GALNT17: variants seen among roughly 807,000 people sequenced by gnomAD.
The protein encoded by GALNT17 is polypeptide N-acetylgalactosaminyltransferase 17.
In GALNT17, 29 loss-of-function variants were observed where a neutral mutation model predicts 63.7. The observed-to-expected ratio is 0.46, with a 90% confidence interval of 0.34 to 0.62. The LOEUF (loss-of-function observed/expected upper bound fraction) is 0.62, where lower values mean the gene tolerates loss of function less well. GALNT17 is among the 20% of genes least tolerant of loss of function. The pLI is 0.01. For missense variants in GALNT17, 603 were observed against 799.6 expected, an observed-to-expected ratio of 0.75 and a Z score of 2.97; for synonymous variants, 305 against 318.3, an observed-to-expected ratio of 0.96 and a Z score of 0.45.
intron 1 of GALNT17, among the ~76,000 whole-genome samples, chr7:71,155,523 C>G (rs1253153370): frequency 6.6e-6 from 1 of 151,816 alleles, no homozygotes; most frequent in African/African-American, 2.4e-5. Flanking sequence ...GTTAGCCCGC[C>G]TCAGCCTCCC....
intron 2 of GALNT17, among the ~76,000 whole-genome samples, chr7:71,369,766 C>T (rs898068757): frequency 5.0e-5 from 7 of 140,726 alleles, no homozygotes; most frequent in Admixed American, 7.7e-5. Context: ...GAGCTGAGAT[C>T]GCACCATTGC....
At chr7:71,151,493 T>C (rs1012311875) in intron 1 of GALNT17, among the ~76,000 whole-genome samples, 2 of 151,958 alleles carry the variant, frequency 1.3e-5, no homozygotes, top group Non-Finnish European at 2.9e-5. Flanking sequence ...TGGTGGCAGG[T>C]GCCTGTAGTC....
intron 3 of GALNT17, among the ~76,000 whole-genome samples, chr7:71,404,270 A>G (rs1793289397): frequency 6.6e-6 from 1 of 152,164 alleles, no homozygotes; most frequent in African/African-American, 2.4e-5. Flanking sequence ...TGAATGCACA[A>G]CTCAGTGTGA....
intron 6 of GALNT17, among the ~76,000 whole-genome samples, chr7:71,639,871 AG>A (rs1790579645): frequency 6.6e-6 from 1 of 152,286 alleles, no homozygotes; most frequent in East Asian, 1.9e-4. Flanking sequence ...GACAAGGCAA[AG>A]GAGAGGATGG....
chr7:71,523,212 G>A (rs1461157302), intron 5 of GALNT17, among the ~76,000 whole-genome samples: 1 of 152,140 alleles, frequency 6.6e-6, no homozygotes, highest in African/African-American at 2.4e-5. Flanking sequence ...AATAGTTGAG[G>A]CCAAGAATTT....
chr7:71,645,242 G>A (rs536664156), intron 6 of GALNT17, among the ~76,000 whole-genome samples: 1 of 152,180 alleles, frequency 6.6e-6, no homozygotes, highest in Non-Finnish European at 1.5e-5. Context: ...TCCACAGATG[G>A]TGATATGGTT....
chr7:71,494,690 G>A (rs1456318453), intron 5 of GALNT17, among the ~76,000 whole-genome samples: 2 of 152,072 alleles, frequency 1.3e-5, no homozygotes, highest in African/African-American at 4.8e-5. Context: ...GAGAGAAGCT[G>A]TATTAGTCTG....
chr7:71,207,993 G>A (rs1252142241), intron 1 of GALNT17, among the ~76,000 whole-genome samples: 1 of 150,610 alleles, frequency 6.6e-6, no homozygotes, highest in Non-Finnish European at 1.5e-5. Flanking sequence ...GGAGTGCAGT[G>A]GCACGATCAT....
At chr7:71,341,219 A>C (rs1429043368) in intron 2 of GALNT17, among the ~76,000 whole-genome samples, 2 of 152,228 alleles carry the variant, frequency 1.3e-5, no homozygotes, top group Admixed American at 6.5e-5. Context: ...TAAGTAATTT[A>C]ATAAAGAGTT....
chr7:71,680,995 G>A (rs983737386), intron 9 of GALNT17, among the ~76,000 whole-genome samples: 7 of 151,926 alleles, frequency 4.6e-5, no homozygotes, highest in African/African-American at 1.5e-4. Flanking sequence ...AGCCTCCTGG[G>A]CTTAAGTGCT....
intron 2 of GALNT17, among the ~76,000 whole-genome samples, chr7:71,361,115 C>T (rs1432976103): frequency 6.6e-6 from 1 of 152,028 alleles, no homozygotes; most frequent in Non-Finnish European, 1.5e-5. Context: ...ATATGAGTTA[C>T]CCAAAGTTCC....
chr7:71,294,522 C>T (rs565558689), intron 1 of GALNT17, among the ~76,000 whole-genome samples: 2 of 143,420 alleles, frequency 1.4e-5, no homozygotes, highest in African/African-American at 5.2e-5. Context: ...TCAAGCAATT[C>T]TCATGCCTCA....
chr7:71,321,545 TTCTAGA>T (rs1372766186), intron 1 of GALNT17, among the ~76,000 whole-genome samples: 2 of 152,206 alleles, frequency 1.3e-5, no homozygotes, highest in Non-Finnish European at 2.9e-5. Flanking sequence ...AGAGACCCTG[TTCTAGA>T]TCTAACACTT....
At position 71,275,918 on chromosome 7, in the gene GALNT17, C is replaced by G. The variant is rs145611455; in HGVS notation, c.239-59632C>G. Among the ~76,000 whole-genome samples, 142 of 152,286 alleles carry G rather than the reference C, an allele frequency of 9.3e-4. 1 individual carries two copies. Among genetic ancestry groups the G allele is most frequent in the Middle Eastern group, 3.4e-3 (1 of 294 alleles). Reference sequence around the variant, plus strand: ...TGAATAGAAGTAGAAATGAACTATGCGATGGGCTCCTCTGCACAATCCACA... The same window carrying G: ...TGAATAGAAGTAGAAATGAACTATGGGATGGGCTCCTCTGCACAATCCACA... On this transcript the variant is annotated intron_variant, in intron 1 of 10. Transcript: ENST00000333538.
chr7:71,378,821 A>C (rs953698783), intron 2 of GALNT17, among the ~76,000 whole-genome samples: 15 of 148,290 alleles, frequency 1.0e-4, no homozygotes, highest in Admixed American at 2.0e-4. Flanking sequence ...CCATCTCTAC[A>C]AAAAAAAAAT....
At chr7:71,486,394 A>C (rs1243261996) in intron 5 of GALNT17, among the ~76,000 whole-genome samples, 1 of 147,672 alleles carries the variant, frequency 6.8e-6, no homozygotes. Flanking sequence ...ATAATAGTAA[A>C]TAATATATTT....
In GALNT17 at chr7:71,497,062, A is replaced by ATC. The variant is rs571946891; in HGVS notation, c.963-74213_963-74212dup. Among the ~76,000 whole-genome samples, 24 of 152,216 alleles carry ATC rather than the reference A, an allele frequency of 1.6e-4. No homozygotes were observed. The East Asian group carries it at 4.3e-3, about 27-fold the overall frequency. On this transcript the variant is annotated intron_variant, in intron 5 of 10. Transcript: ENST00000333538. ...CACTGGTGACACAGTGAGACCCTGA[A>ATC]TCTCTCTCTCTAAAAGAAGAAAATG...
At chr7:71,688,177 C>T (rs1031611048) in intron 9 of GALNT17, among the ~76,000 whole-genome samples, 33 of 152,270 alleles carry the variant, frequency 2.2e-4, no homozygotes, top group Admixed American at 2.0e-3. Flanking sequence ...AAAACCTCTC[C>T]TTTTGCATTC....
At chr7:71,439,703 T>C (rs902557936) in intron 5 of GALNT17, among the ~76,000 whole-genome samples, 2 of 152,210 alleles carry the variant, frequency 1.3e-5, no homozygotes, top group Admixed American at 1.3e-4. Flanking sequence ...GAGGACACTT[T>C]ACCTCTGAAT....
Sources: allele counts gnomAD v4.1 joint callset (sites outside exome capture counted in the v4.1 genomes callset), GRCh38; gene constraint gnomAD v4.1.1; transcripts MANE v1.5; gene names NCBI Gene and HGNC (gene_info 2026-07-23, HGNC 2026-07-21).